Variants in DCDC1 observed in about 807,000 individuals in gnomAD.
DCDC1 encodes the protein doublecortin domain-containing protein 1.
Under a neutral mutation model 178.3 loss-of-function variants are expected in DCDC1, and 200 were observed. The observed-to-expected ratio is 1.12, with a 90% CI of 1.00 to 1.26. The LOEUF (loss-of-function observed/expected upper bound fraction) is 1.26, where lower values mean the gene tolerates loss of function less well. Among genes scored for constraint, DCDC1 ranks in the 50% most tolerant of loss-of-function variants. The pLI, the probability that DCDC1 is intolerant of heterozygous loss-of-function variation, is 0.00. For synonymous variants in DCDC1, 690 were observed against 604.8 expected, an observed-to-expected ratio of 1.14 and a Z score of -2.07; for missense variants, 1,983 against 1,749.2, an observed-to-expected ratio of 1.13 and a Z score of -2.38.
chr11:30,929,161 G>A (rs1946771996), intron 22 of DCDC1, among the ~76,000 whole-genome samples: 1 of 151,934 alleles, frequency 6.6e-6, no homozygotes, highest in African/African-American at 2.4e-5. Context: ...GGCCTATGTA[G>A]GCCCTTAATC....
chr11:31,020,874 A>AAAGGGGTGAC (rs1295826001), intron 20 of DCDC1, among the ~76,000 whole-genome samples: 2 of 152,252 alleles, frequency 1.3e-5, no homozygotes, highest in Non-Finnish European at 2.9e-5. Flanking sequence ...CTCAAATCAC[A>AAAGGGGTGAC]AAGGGGTGAC....
chr11:30,933,583 T>C (rs1947077252), intron 21 of DCDC1, among the ~76,000 whole-genome samples: 1 of 152,162 alleles, frequency 6.6e-6, no homozygotes, highest in Non-Finnish European at 1.5e-5. Flanking sequence ...GATTTTTGCA[T>C]GTACATTCAT....
chr11:30,893,101 A>G, intron 35 of DCDC1, 104 bp from the exon 36 acceptor site: 1 of 1,338,228 alleles, frequency 7.5e-7, no homozygotes, highest in Non-Finnish European at 1.0e-6. Context: ...AATAAATTAT[A>G]TGGAAAAAAT....
Position 31,265,503 on chromosome 11 carries a change from T to C in DCDC1, c.1054+4A>G. The C allele has an allele frequency of 7.1e-7, 1 of 1,400,434 alleles. No homozygotes were observed. The highest frequency in any genetic ancestry group is 9.4e-7 in the Non-Finnish European group (1 of 1,058,780). The allele number at this position is 1,400,434 out of a possible 1,614,324, so 86.8% of individuals were successfully genotyped here. ...AAATGGTTTACAAAATCTTTGCCAC[T>C]TACCTTTTGAAATATCTTCAATTTT... On this transcript the variant is annotated splice_donor_region_variant and intron_variant, in intron 8 of 38. Coordinates refer to ENST00000684477, the MANE Select transcript of DCDC1 (RefSeq NM_001387274.1).
intron 20 of DCDC1, among the ~76,000 whole-genome samples, chr11:31,004,280 T>C (rs1951722939): frequency 6.6e-6 from 1 of 152,198 alleles, no homozygotes; most frequent in South Asian, 2.1e-4. Flanking sequence ...GGACAATTTA[T>C]GTTCAATGTA....
At chr11:30,949,942 G>A (rs1301120613) in intron 21 of DCDC1, among the ~76,000 whole-genome samples, 2 of 152,022 alleles carry the variant, frequency 1.3e-5, no homozygotes, top group Admixed American at 1.3e-4. Context: ...ACCACGGCAA[G>A]TGTATACCCA....
intron 18 of DCDC1, among the ~76,000 whole-genome samples, chr11:31,074,939 GTGCAATTT>G: frequency 6.6e-6 from 1 of 152,110 alleles, no homozygotes; most frequent in East Asian, 1.9e-4. Context: ...AGAAGCACAA[GTGCAATTT>G]TGTTACATGG....
chr11:30,945,553 C>T (rs911468976), intron 21 of DCDC1, among the ~76,000 whole-genome samples: 2 of 151,912 alleles, frequency 1.3e-5, no homozygotes, highest in Non-Finnish European at 2.9e-5. Flanking sequence ...ATTAGCCAGG[C>T]ATGGTGGCAC....
At chr11:31,235,767 T>C (rs1406250787) in intron 9 of DCDC1, among the ~76,000 whole-genome samples, 8 of 151,998 alleles carry the variant, frequency 5.3e-5, no homozygotes. Flanking sequence ...GATGCAGTTT[T>C]TAAGTTAAAA....
In DCDC1 at chr11:31,106,963, G is replaced by C; in HGVS notation, c.1588-3C>G. On this transcript the variant is annotated splice_polypyrimidine_tract_variant and splice_region_variant and intron_variant, in intron 12 of 38. Transcript: ENST00000684477. ...CTTTGATGAATCTTGAGAAGTAACT[G>C]GTTGGGGGTTAGAGGGGCAGAGGGG... The C allele has an allele frequency of 1.3e-6, 1 of 764,268 alleles. No homozygotes were observed. Among genetic ancestry groups the C allele is most frequent in the Non-Finnish European group, 2.4e-6 (1 of 417,252 alleles). The allele number at this position is 764,268 out of a possible 1,614,324, so 47.3% of individuals were successfully genotyped here.
chr11:31,028,980 A>G (rs995510122), intron 20 of DCDC1, among the ~76,000 whole-genome samples: 1 of 152,072 alleles, frequency 6.6e-6, no homozygotes, highest in African/African-American at 2.4e-5. Context: ...CCAGCCAAAA[A>G]GTATGTTATG....
chr11:30,939,152 T>C (rs1947474345), intron 21 of DCDC1, among the ~76,000 whole-genome samples: 1 of 152,192 alleles, frequency 6.6e-6, no homozygotes, highest in African/African-American at 2.4e-5. Context: ...TCTTGGCTCA[T>C]GCACGAGGTT....
chr11:31,150,956 G>T (rs1301162423), intron 9 of DCDC1, among the ~76,000 whole-genome samples: 1 of 152,128 alleles, frequency 6.6e-6, no homozygotes, highest in Non-Finnish European at 1.5e-5. Context: ...TTTAAGAATT[G>T]CATTAAACTA....
At chr11:31,259,998 G>C (rs1182137801) in intron 8 of DCDC1, among the ~76,000 whole-genome samples, 1 of 152,106 alleles carries the variant, frequency 6.6e-6, no homozygotes, top group African/African-American at 2.4e-5. Context: ...TTGATGTTGT[G>C]ATAATCATTT....
intron 2 of DCDC1, among the ~76,000 whole-genome samples, chr11:31,330,382 G>A (rs1949907846): frequency 6.6e-6 from 1 of 152,126 alleles, no homozygotes; most frequent in Admixed American, 6.5e-5. Flanking sequence ...CTTTTGCTAT[G>A]CAGAAGCTCT....
At chr11:30,952,656 T>A (rs10767883) in intron 20 of DCDC1, 88 bp from the exon 21 acceptor site, 266,715 of 506,374 alleles carry the variant, frequency 0.53, 72,829 homozygotes, top group Non-Finnish European at 0.59. Context: ...GTACTTACTA[T>A]ACACTAGGCA....
intron 1 of DCDC1, among the ~76,000 whole-genome samples, chr11:31,354,250 C>CA (rs1401279172): frequency 2.6e-5 from 4 of 152,194 alleles, no homozygotes; most frequent in African/African-American, 9.6e-5. Context: ...CGCACCACTG[C>CA]ACTCCAGCCT....
At chr11:31,315,386 C>T (rs1193853188) in intron 3 of DCDC1, among the ~76,000 whole-genome samples, 3 of 129,132 alleles carry the variant, frequency 2.3e-5, no homozygotes, top group South Asian at 2.7e-4. Flanking sequence ...GGTACAGTCT[C>T]GGCTCACTGG....
At chr11:31,038,236 C>CA (rs1954209581) in intron 20 of DCDC1, among the ~76,000 whole-genome samples, 1 of 151,934 alleles carries the variant, frequency 6.6e-6, no homozygotes, top group African/African-American at 2.4e-5. Flanking sequence ...TATACACACA[C>CA]ACACATAAAA....
Sources: allele counts gnomAD v4.1 joint callset (sites outside exome capture counted in the v4.1 genomes callset), GRCh38; gene constraint gnomAD v4.1.1; transcripts MANE v1.5; gene names NCBI Gene and HGNC (gene_info 2026-07-23, HGNC 2026-07-21).